RADIL: variants seen among roughly 807,000 people sequenced by gnomAD.
RADIL encodes ras-associating and dilute domain-containing protein.
RADIL carries 99 observed loss-of-function variants against 97.6 expected under a neutral mutation model. The ratio of observed to expected loss-of-function variants is 1.01; its 90% CI spans 0.86 to 1.20. The LOEUF (loss-of-function observed/expected upper bound fraction) is 1.20. Among genes scored for constraint, RADIL ranks in the 50% most tolerant of loss-of-function variants. The probability of loss-of-function intolerance (pLI) is 0.00; values close to 1 mark genes in which losing one functional copy is unlikely to be tolerated. For missense variants in RADIL, 1,765 were observed against 1,498.9 expected (o/e 1.18, Z -2.93); for synonymous variants, 803 against 691.8 (o/e 1.16, Z -2.52).
chr7:4,830,857 AC>A (rs1211061187), intron 5 of RADIL, among the ~76,000 whole-genome samples: 1 of 152,044 alleles, frequency 6.6e-6, no homozygotes. Flanking sequence ...TACTAAAAAT[AC>A]AAAAAAACAA....
At position 4,836,746 on chromosome 7, in the gene RADIL, T is replaced by C. The variant is rs1480321180; in HGVS notation, c.536-141A>G. On this transcript the variant is annotated intron_variant, in intron 2 of 14. Transcript: ENST00000399583. ...TGAGGTCAGGAGCTCGAGACCAGCCTGGCCAACACAGTGAAACCCCATTTC... is the reference window on the plus strand; with the variant it reads ...TGAGGTCAGGAGCTCGAGACCAGCCCGGCCAACACAGTGAAACCCCATTTC... 9.8e-6 allele frequency: 11 copies of C among 1,116,886 alleles called. No homozygotes were observed. The Admixed American group carries it at 2.9e-4, about 29-fold the overall frequency. The allele number at this position is 1,116,886 out of a possible 1,614,324, so 69.2% of individuals were successfully genotyped here.
intron 2 of RADIL, 70 bp from the exon 3 acceptor site, chr7:4,836,675 C>G: frequency 6.3e-7 from 1 of 1,579,398 alleles, no homozygotes; most frequent in Non-Finnish European, 8.6e-7. Flanking sequence ...CGGTGGCTCA[C>G]CCCTGTAATC....
intron 9 of RADIL, among the ~76,000 whole-genome samples, chr7:4,807,148 T>C (rs1458394883): frequency 6.6e-6 from 1 of 152,034 alleles, no homozygotes; most frequent in Non-Finnish European, 1.5e-5. Flanking sequence ...GCCTCCTCGC[T>C]CTGTTTCTCT....
chr7:4,851,708 A>C (rs1327060991), intron 2 of RADIL, among the ~76,000 whole-genome samples: 3 of 152,208 alleles, frequency 2.0e-5, no homozygotes, highest in African/African-American at 7.2e-5. Context: ...CTTGCTGCTT[A>C]TGGTTAAGAG....
At position 4,836,428 on chromosome 7, in the gene RADIL, G is replaced by T. The variant is rs1227743773; in HGVS notation, c.713C>A (p.Pro238His). 1 of 1,591,284 alleles carries T rather than the reference G, an allele frequency of 6.3e-7. No individual in the cohort carries two copies. Among genetic ancestry groups the T allele is most frequent in the Non-Finnish European group, 8.6e-7 (1 of 1,169,024 alleles). Reference protein sequence around the residue: ...AAAQGPEEPGPDAMRYSLYQS... With the variant: ...AAAQGPEEPGHDAMRYSLYQS... Reference sequence around the variant, plus strand: ...GTACAGCGAGTACCGCATGGCGTCGGGGCCGGGCTCCTCGGGGCCCTGGGC... The same window carrying T: ...GTACAGCGAGTACCGCATGGCGTCGTGGCCGGGCTCCTCGGGGCCCTGGGC... The change falls in exon 3 of 15, where the codon CCC (proline) becomes CAC (histidine). Residue 238 changes from proline to histidine, a missense_variant. Transcript: ENST00000399583.
At chr7:4,836,664 G>A (rs112315573) in intron 2 of RADIL, 59 bp from the exon 3 acceptor site, 37,887 of 1,593,142 alleles carry the variant, frequency 0.024, 520 homozygotes, top group Non-Finnish European at 0.029. Context: ...AGGACTGGGC[G>A]CGGTGGCTCA....
Position 4,867,290 on chromosome 7 carries a change from T to A in RADIL, c.535+10315A>T, listed in dbSNP as rs541795438. ...TATGCTCTGTAATCCAGCAGCTCCGTTCCTGGAAGAATGCCTCCGAGAACT... is the reference window on the plus strand; with the variant it reads ...TATGCTCTGTAATCCAGCAGCTCCGATCCTGGAAGAATGCCTCCGAGAACT... On this transcript the variant is annotated intron_variant, in intron 2 of 14. Coordinates refer to ENST00000399583, the MANE Select transcript of RADIL (RefSeq NM_018059.5). This position sits in a 1 kb window ranked among gnomAD's most constrained non-coding sequence, Gnocchi z 4.1. Among the ~76,000 whole-genome samples the A allele has an allele frequency of 2.6e-4, 40 of 152,206 alleles. No individual in the cohort carries two copies. Among genetic ancestry groups the A allele is most frequent in the African/African-American group, 8.7e-4 (36 of 41,538 alleles).
Position 4,800,239 on chromosome 7 carries a change from AG to A in RADIL, c.2913del (p.Cys972AlafsTer19). On this transcript the variant is annotated frameshift_variant, in exon 13 of 15. Transcript: ENST00000399583. LOFTEE classifies it high-confidence loss of function. ...PSSRSSSTED[F>X]CYVFTVELER... Reference sequence around the variant, plus strand: ...TCCAGCTCCACCGTGAAGACGTAGCAGAAGTCCTCGGTGCTGGAGCTGCGGC... The same window carrying A: ...TCCAGCTCCACCGTGAAGACGTAGCAAAGTCCTCGGTGCTGGAGCTGCGGC... 1 of 1,596,616 alleles carries A rather than the reference AG, an allele frequency of 6.3e-7. No individual in the cohort carries two copies. The highest frequency in any genetic ancestry group is 8.5e-7 in the Non-Finnish European group (1 of 1,173,144).
At position 4,815,517 on chromosome 7, in the gene RADIL, T is replaced by A. The variant is rs1782655256; in HGVS notation, c.1967-67A>T. 12 of 1,409,788 alleles carry A rather than the reference T, an allele frequency of 8.5e-6. No homozygotes were observed. The highest frequency in any genetic ancestry group is 1.1e-5 in the Non-Finnish European group (12 of 1,070,556). 87.3% of individuals were successfully genotyped at this position (1,409,788 alleles called of 1,614,324 possible). A position where few individuals can be genotyped will look rare whatever the true frequency, so the allele number is the denominator to read the frequency against. On this transcript the variant is annotated intron_variant, in intron 8 of 14. Coordinates refer to ENST00000399583, the MANE Select transcript of RADIL (RefSeq NM_018059.5). This position sits in a 1 kb window ranked among gnomAD's most constrained non-coding sequence, Gnocchi z 8.0. ...CTGGGGGGACACAGACATGGGCCTGTCCCCAGAGCCTGCCCTTCCCGGCTC... is the reference window on the plus strand; with the variant it reads ...CTGGGGGGACACAGACATGGGCCTGACCCCAGAGCCTGCCCTTCCCGGCTC...
Position 4,878,193 on chromosome 7 carries a change from G to C in RADIL, c.-54C>G. On this transcript the variant is annotated 5_prime_UTR_variant, in exon 2 of 15. Transcript: ENST00000399583. The surrounding 1 kb of genome is among the most constrained non-coding windows in gnomAD (Gnocchi z 4.1). ...GTGGGCTTCAGCCAAAGGATGTGGGGAGGCCGTGACCTGGGTGAAAAAGTG... is the reference window on the plus strand; with the variant it reads ...GTGGGCTTCAGCCAAAGGATGTGGGCAGGCCGTGACCTGGGTGAAAAAGTG... The C allele has an allele frequency of 6.8e-7, 1 of 1,462,710 alleles. No homozygotes were observed. Among genetic ancestry groups the C allele is most frequent in the Non-Finnish European group, 9.0e-7 (1 of 1,106,540 alleles). The allele number at this position is 1,462,710 out of a possible 1,614,324, so 90.6% of individuals were successfully genotyped here. A position where few individuals can be genotyped will look rare whatever the true frequency, so the allele number is the denominator to read the frequency against.
chr7:4,870,587 G>A (rs1258850590), intron 2 of RADIL, among the ~76,000 whole-genome samples: 1 of 152,114 alleles, frequency 6.6e-6, no homozygotes, highest in Non-Finnish European at 1.5e-5. Flanking sequence ...GATTACAGGT[G>A]CCCACCACCA....
chr7:4,856,440 G>T (rs911882428), intron 2 of RADIL, among the ~76,000 whole-genome samples: 1 of 152,026 alleles, frequency 6.6e-6, no homozygotes, highest in African/African-American at 2.4e-5. Flanking sequence ...TTTTTCCTTT[G>T]TCACCCTTAA....
intron 5 of RADIL, among the ~76,000 whole-genome samples, chr7:4,831,020 C>CA (rs546511408): frequency 0.08 from 9,895 of 123,542 alleles, 1,099 homozygotes; most frequent in African/African-American, 0.26. Context: ...GATGCCGTTT[C>CA]AAAAAAAAAA....
chr7:4,811,180 T>A (rs188120540), intron 9 of RADIL: 1 of 152,274 alleles, frequency 6.6e-6, no homozygotes, highest in Admixed American at 6.5e-5. Context: ...TGTTTTTGCT[T>A]TTGTTTTTTA....
At position 4,842,931 on chromosome 7, in the gene RADIL, T is replaced by C. The variant is rs1783481482; in HGVS notation, c.536-6326A>G. ...GTGGTCACCATAATACCCTGCAGCC[T>C]CGAAATTCTGGCCTCAGGGCCTCAG... is the stretch of plus-strand genomic sequence containing the variant. On this transcript the variant is annotated intron_variant, in intron 2 of 14. Coordinates refer to ENST00000399583, the MANE Select transcript of RADIL (RefSeq NM_018059.5). The surrounding 1 kb of genome is among the most constrained non-coding windows in gnomAD (Gnocchi z 4.5). Among the ~76,000 whole-genome samples the C allele has an allele frequency of 6.6e-6, 1 of 151,612 alleles. No individual in the cohort carries two copies. The highest frequency in any genetic ancestry group is 2.4e-5 in the African/African-American group (1 of 41,246).
Position 4,822,570 on chromosome 7 carries a change from G to A in RADIL, c.1455-16C>T, listed in dbSNP as rs1782862887. ...GGGCTCCTGGCTACCAAGACAGAAAGACTAAGAGTTACGCGGGGACCCGAC... is the reference window on the plus strand; with the variant it reads ...GGGCTCCTGGCTACCAAGACAGAAAAACTAAGAGTTACGCGGGGACCCGAC... On this transcript the variant is annotated splice_polypyrimidine_tract_variant and intron_variant, in intron 5 of 14. Transcript: ENST00000399583. This position sits in a 1 kb window ranked among gnomAD's most constrained non-coding sequence, Gnocchi z 5.3. The A allele has an allele frequency of 3.7e-6, 6 of 1,611,476 alleles. No individual in the cohort carries two copies. The highest frequency in any genetic ancestry group is 5.1e-6 in the Non-Finnish European group (6 of 1,179,382).
Position 4,799,789 on chromosome 7 carries a change from T to A in RADIL, c.2983-20A>T, listed in dbSNP as rs1782014022. 2.0e-6 allele frequency: 3 copies of A among 1,499,902 alleles called. No individual in the cohort carries two copies. Among genetic ancestry groups the A allele is most frequent in the Non-Finnish European group, 1.8e-6 (2 of 1,128,446 alleles). The allele number at this position is 1,499,902 out of a possible 1,614,324, so 92.9% of individuals were successfully genotyped here. The stretch of plus-strand genomic sequence containing the variant: ...CGTGTGCTGGGGACAAGCAGAGGCC[T>A]CAGAGCTCCGCAGGCCCGACTGGCT... On this transcript the variant is annotated intron_variant, in intron 13 of 14. Coordinates refer to ENST00000399583, the MANE Select transcript of RADIL (RefSeq NM_018059.5).
At position 4,854,578 on chromosome 7, in the gene RADIL, C is replaced by G. The variant is rs142809957; in HGVS notation, c.536-17973G>C. On this transcript the variant is annotated intron_variant, in intron 2 of 14. Transcript: ENST00000399583. The surrounding 1 kb of genome is among the most constrained non-coding windows in gnomAD (Gnocchi z 5.1). ...GTATGTTGGCGGGCGCCTGTAATCC[C>G]AGCTACTCGGAAGACTGAGACAGGA... 3.7e-4 allele frequency among the ~76,000 whole-genome samples: 56 copies of G among 152,202 alleles called. No individual in the cohort carries two copies. The highest frequency in any genetic ancestry group is 1.3e-3 in the African/African-American group (56 of 41,518).
chr7:4,821,385 A>G lies in RADIL; in HGVS notation c.1615+1009T>C, dbSNP rs1782826346. Among the ~76,000 whole-genome samples the G allele has an allele frequency of 6.6e-6, 1 of 152,164 alleles. No individual in the cohort carries two copies. The highest frequency in any genetic ancestry group is 2.4e-5 in the African/African-American group (1 of 41,448). On this transcript the variant is annotated intron_variant, in intron 6 of 14. Transcript: ENST00000399583. The surrounding 1 kb of genome is among the most constrained non-coding windows in gnomAD (Gnocchi z 5.2). ...CCTCACTTCCGCAGCACAGCAGCAC[A>G]GTCCTGCTGCCCCGTCTGGCTCCAT...
Sources: allele counts gnomAD v4.1 joint callset (sites outside exome capture counted in the v4.1 genomes callset), GRCh38; gene constraint gnomAD v4.1.1; non-coding constraint Gnocchi (gnomAD v3.1); transcripts MANE v1.5; gene names NCBI Gene and HGNC (gene_info 2026-07-23, HGNC 2026-07-21).